The following FYCO1 variants were observed in gnomAD, a reference collection of about 807,000 sequenced individuals.
The protein encoded by FYCO1 is FYVE and coiled-coil domain autophagy adaptor 1.
In FYCO1, 122 loss-of-function variants were observed where a neutral mutation model predicts 165.1. The ratio of observed to expected loss-of-function variants is 0.74; its 90% CI spans 0.64 to 0.86. The LOEUF (loss-of-function observed/expected upper bound fraction) is 0.86, where lower values mean the gene tolerates loss of function less well. Ranked by LOEUF, FYCO1 falls within the 40% of genes least tolerant of loss-of-function variation. The pLI is 0.00. For synonymous variants in FYCO1, 648 were observed against 742.5 expected (o/e 0.87, Z 2.07); for missense variants, 1,702 against 1,810.3 (o/e 0.94, Z 1.09).
At chr3:45,986,938 C>T (rs1386661333) in intron 1 of FYCO1, among the ~76,000 whole-genome samples, 1 of 152,106 alleles carries the variant, frequency 6.6e-6, no homozygotes, top group African/African-American at 2.4e-5. Context: ...CACAGTCCAG[C>T]CCTGGAAGAG....
At chr3:45,948,667 C>T (rs1704795769) in intron 14 of FYCO1, among the ~76,000 whole-genome samples, 1 of 152,184 alleles carries the variant, frequency 6.6e-6, no homozygotes, top group Admixed American at 6.5e-5. Flanking sequence ...GTTTTTTGGG[C>T]TTATGTATCC....
In FYCO1 at chr3:45,964,227, G is replaced by T; in HGVS notation, c.3269+109C>A. 2 of 926,648 alleles carry T rather than the reference G, an allele frequency of 2.2e-6. No individual in the cohort carries two copies. Among genetic ancestry groups the T allele is most frequent in the Non-Finnish European group, 3.6e-6 (2 of 560,352 alleles). The allele number at this position is 926,648 out of a possible 1,614,324, so 57.4% of individuals were successfully genotyped here. A position where few individuals can be genotyped will look rare whatever the true frequency, so the allele number is the denominator to read the frequency against. ...ACTTTCTGAGTTTGTGGCTTTTCTT[G>T]CAAAAGGACTTCCTAAACCTAATAT... On this transcript the variant is annotated intron_variant, in intron 10 of 17. Coordinates refer to ENST00000296137, the MANE Select transcript of FYCO1 (RefSeq NM_024513.4). The surrounding 1 kb of genome is among the most constrained non-coding windows in gnomAD (Gnocchi z 4.1).
intron 1 of FYCO1, among the ~76,000 whole-genome samples, chr3:45,994,669 CA>C (rs1161599467): frequency 2.6e-5 from 4 of 152,030 alleles, no homozygotes; most frequent in Admixed American, 6.5e-5. Flanking sequence ...CACCAGCCCC[CA>C]ACACCCTCCA....
At chr3:45,984,566 A>G in intron 2 of FYCO1, 2 of 543,552 alleles carry the variant, frequency 3.7e-6, no homozygotes, top group Non-Finnish European at 6.6e-6. Flanking sequence ...GGCAGCTTCA[A>G]AACACACATG....
Position 45,977,726 on chromosome 3 carries a change from A to G in FYCO1, c.288+1979T>C, listed in dbSNP as rs895755231. Among the ~76,000 whole-genome samples, 4 of 152,148 alleles carry G rather than the reference A, an allele frequency of 2.6e-5. No individual in the cohort carries two copies. The South Asian group carries it at 8.3e-4, about 32-fold the overall frequency. On this transcript the variant is annotated intron_variant, in intron 4 of 17. Transcript: ENST00000296137. ...GAAACACAGTCCAAGCTGAGCCCAT[A>G]CTGAATCTCCAGAAATGGTTTCTTA... is the stretch of plus-strand genomic sequence containing the variant.
Position 45,936,526 on chromosome 3 carries a change from G to A in FYCO1, c.3962C>T (p.Ser1321Leu), listed in dbSNP as rs758500527. 15 of 1,612,968 alleles carry A rather than the reference G, an allele frequency of 9.3e-6. No homozygotes were observed. Among genetic ancestry groups the A allele is most frequent in the East Asian group, 8.9e-5 (4 of 44,880 alleles). The change falls in exon 15 of 18, where the codon TCG becomes TTG. Residue 1321 changes from serine (S) to leucine (L), a missense_variant. Physicochemically the swap from Ser to Leu is moderately radical, Grantham distance 145. Transcript: ENST00000296137. ...NAAEQDTTST[S>L]LTPEDTEDMP... ...GTCTTCAGTGTCCTCAGGCGTTAGC[G>A]AGGTTGATGTAGTATCCCTGAAATG...
chr3:45,979,062 G>T (rs1247815715), intron 4 of FYCO1, among the ~76,000 whole-genome samples: 1 of 152,008 alleles, frequency 6.6e-6, no homozygotes, highest in Non-Finnish European at 1.5e-5. Context: ...GGGTTTCACT[G>T]TGTTAGCCAG....
intron 1 of FYCO1, among the ~76,000 whole-genome samples, chr3:45,990,522 G>A (rs1707510641): frequency 6.6e-6 from 1 of 152,100 alleles, no homozygotes; most frequent in African/African-American, 2.4e-5. Flanking sequence ...GTGGCTTCTG[G>A]GGCCATTTGT....
intron 14 of FYCO1, among the ~76,000 whole-genome samples, chr3:45,949,610 A>G (rs1170391411): frequency 6.6e-6 from 1 of 152,156 alleles, no homozygotes; most frequent in African/African-American, 2.4e-5. Flanking sequence ...CACCTACACC[A>G]CTGGCTCATG....
At position 45,920,450 on chromosome 3, in the gene FYCO1, T is replaced by A. The variant is rs1052787885; in HGVS notation, c.*1315A>T. 6.6e-6 allele frequency: 1 copy of A among 152,146 alleles called. No homozygotes were observed. The highest frequency in any genetic ancestry group is 1.5e-5 in the Non-Finnish European group (1 of 68,070). 9.4% of individuals were successfully genotyped at this position (152,146 alleles called of 1,614,324 possible). A position where few individuals can be genotyped will look rare whatever the true frequency, so the allele number is the denominator to read the frequency against. ...TTTTGTCAGATGCTCTGTTCACCCA[T>A]GGAAGAACCTGGGGCCTGACTGCAG... is the stretch of plus-strand genomic sequence containing the variant. On this transcript the variant is annotated 3_prime_UTR_variant, in exon 18 of 18. Coordinates refer to ENST00000296137, the MANE Select transcript of FYCO1 (RefSeq NM_024513.4).
chr3:45,971,909 C>T (rs747891828), intron 6 of FYCO1, among the ~76,000 whole-genome samples: 3 of 152,068 alleles, frequency 2.0e-5, no homozygotes, highest in African/African-American at 4.8e-5. Context: ...AATAACTGTA[C>T]TGAGTTATAT....
chr3:45,980,478 C>T (rs1706990041), intron 3 of FYCO1, among the ~76,000 whole-genome samples: 2 of 152,224 alleles, frequency 1.3e-5, no homozygotes, highest in Middle Eastern at 3.4e-3. Context: ...GTTTCAATAT[C>T]GTTTTAATAC....
chr3:45,965,170 G>T, intron 8 of FYCO1, 45 bp from the exon 9 acceptor site: 1 of 1,462,854 alleles, frequency 6.8e-7, no homozygotes, highest in Non-Finnish European at 9.6e-7. Context: ...TAGGGTCCTT[G>T]CTCTGAGGAT....
At chr3:45,951,059 G>A (rs558720974) in intron 14 of FYCO1, among the ~76,000 whole-genome samples, 1 of 152,258 alleles carries the variant, frequency 6.6e-6, no homozygotes, top group Non-Finnish European at 1.5e-5. Flanking sequence ...TGTTTCTGTG[G>A]GAGAGTTTAA....
intron 16 of FYCO1, among the ~76,000 whole-genome samples, chr3:45,929,554 T>A (rs1350764740): frequency 6.6e-6 from 1 of 152,166 alleles, no homozygotes; most frequent in East Asian, 1.9e-4. Flanking sequence ...CAAGGGCAGC[T>A]CTTGGCAGTG....
chr3:45,933,088 G>A (rs760003377), intron 15 of FYCO1, among the ~76,000 whole-genome samples: 1 of 152,104 alleles, frequency 6.6e-6, no homozygotes, highest in Non-Finnish European at 1.5e-5. Context: ...CAGTGACAAG[G>A]ACAATACTCA....
chr3:45,972,812 A>G (rs1413007388), intron 6 of FYCO1, among the ~76,000 whole-genome samples: 3 of 152,210 alleles, frequency 2.0e-5, no homozygotes, highest in African/African-American at 7.2e-5. Context: ...GCCCGTAACA[A>G]CAAGTGCCTT....
intron 17 of FYCO1, 48 bp from the exon 18 acceptor site, chr3:45,921,888 G>C: frequency 7.9e-7 from 1 of 1,259,796 alleles, no homozygotes; most frequent in Non-Finnish European, 1.2e-6. Context: ...AGAGCTGAAA[G>C]TCCGAGGGGT....
intron 17 of FYCO1, among the ~76,000 whole-genome samples, chr3:45,922,979 G>A (rs1352608222): frequency 1.3e-5 from 2 of 152,154 alleles, no homozygotes; most frequent in African/African-American, 4.8e-5. Flanking sequence ...CTCTCCAAAT[G>A]ATTGGCAGAT....
Sources: allele counts gnomAD v4.1 joint callset (sites outside exome capture counted in the v4.1 genomes callset), GRCh38; gene constraint gnomAD v4.1.1; non-coding constraint Gnocchi (gnomAD v3.1); transcripts MANE v1.5; gene names NCBI Gene and HGNC (gene_info 2026-07-23, HGNC 2026-07-21).